The following NAALADL2 variants were observed in gnomAD, a reference collection of about 807,000 sequenced individuals.
NAALADL2 encodes the protein inactive N-acetylated-alpha-linked acidic dipeptidase-like protein 2.
NAALADL2 carries 76 observed loss-of-function variants against 87.2 expected under a neutral mutation model. That is an observed-to-expected ratio of 0.87 (90% CI 0.72 to 1.05). NAALADL2 has a LOEUF of 1.05. Ranked by LOEUF, NAALADL2 falls within the 50% of genes least tolerant of loss-of-function variation. The pLI is 0.00. For missense variants in NAALADL2, 1,089 were observed against 945.8 expected (o/e 1.15, Z -1.99); for synonymous variants, 354 against 331.0 (o/e 1.07, Z -0.75).
chr3:174,568,718 T>C (rs866107857), intron 2 of NAALADL2, among the ~76,000 whole-genome samples: 1 of 151,804 alleles, frequency 6.6e-6, no homozygotes, highest in Non-Finnish European at 1.5e-5. Context: ...TAAGTCCATA[T>C]GGGGAGGAAC....
intron 9 of NAALADL2, among the ~76,000 whole-genome samples, chr3:175,557,115 T>G (rs776210542): frequency 6.6e-6 from 1 of 152,244 alleles, no homozygotes; most frequent in Non-Finnish European, 1.5e-5. Context: ...GAGCAAAGAC[T>G]GACCTTCGAT....
At chr3:175,243,797 A>G (rs1015437809) in intron 3 of NAALADL2, among the ~76,000 whole-genome samples, 7 of 152,082 alleles carry the variant, frequency 4.6e-5, no homozygotes, top group Non-Finnish European at 8.8e-5. Context: ...GGGGCAGGGA[A>G]TTTCCTTCAG....
At chr3:175,450,656 A>G (rs1560572083) in intron 6 of NAALADL2, among the ~76,000 whole-genome samples, 1 of 151,850 alleles carries the variant, frequency 6.6e-6, no homozygotes, top group Admixed American at 6.6e-5. Context: ...TGAACCAATC[A>G]TCATAATATA....
At chr3:175,191,512 C>A (rs1177725377) in intron 2 of NAALADL2, among the ~76,000 whole-genome samples, 3 of 152,058 alleles carry the variant, frequency 2.0e-5, no homozygotes, top group African/African-American at 7.2e-5. Flanking sequence ...AAAATGATGT[C>A]AGGGATTTGT....
chr3:175,700,041 T>C (rs1738764293), intron 11 of NAALADL2, among the ~76,000 whole-genome samples: 2 of 152,132 alleles, frequency 1.3e-5, no homozygotes, highest in African/African-American at 4.8e-5. Context: ...GTCATATTAA[T>C]TTTCTGCATC....
In NAALADL2 at chr3:174,735,008, A is replaced by G. The variant is rs1367542698; in HGVS notation, c.-114-2633A>G. On this transcript the variant is annotated intron_variant, in intron 2 of 3. Coordinates refer to the NAALADL2 transcript ENST00000434257. ...TGTACAATACTACAAGTTAATCTCGATAGAAGGAAATAATAGCTTATTTTG... is the reference window on the plus strand; with the variant it reads ...TGTACAATACTACAAGTTAATCTCGGTAGAAGGAAATAATAGCTTATTTTG... Among the ~76,000 whole-genome samples the G allele has an allele frequency of 2.0e-5, 3 of 152,166 alleles. 1 individual carries two copies. Among genetic ancestry groups the G allele is most frequent in the African/African-American group, 7.2e-5 (3 of 41,432 alleles).
intron 1 of NAALADL2, among the ~76,000 whole-genome samples, chr3:174,478,235 G>A (rs534578775): frequency 6.6e-6 from 1 of 152,132 alleles, no homozygotes; most frequent in African/African-American, 2.4e-5. Context: ...CTATGTTTTT[G>A]TTTATAGGAA....
intron 2 of NAALADL2, among the ~76,000 whole-genome samples, chr3:175,121,424 A>T (rs1288455926): frequency 1.3e-5 from 2 of 151,854 alleles, no homozygotes; most frequent in Non-Finnish European, 2.9e-5. Flanking sequence ...ACTAATGGAT[A>T]GGGTGAAGAG....
intron 6 of NAALADL2, among the ~76,000 whole-genome samples, chr3:175,455,959 A>G (rs1025420645): frequency 9.2e-5 from 14 of 152,046 alleles, no homozygotes; most frequent in African/African-American, 3.4e-4. Flanking sequence ...TTAAACTTAG[A>G]GACTCTAGAA....
At chr3:174,830,488 C>A (rs1722549374) in intron 3 of NAALADL2, among the ~76,000 whole-genome samples, 1 of 151,804 alleles carries the variant, frequency 6.6e-6, no homozygotes, top group African/African-American at 2.4e-5. Flanking sequence ...GTTTTGGTAC[C>A]AGTACCATGC....
rs1013379133 is a variant in NAALADL2 at position 175,800,139 on chromosome 3, A to G, written c.2190-2866A>G. On this transcript the variant is annotated intron_variant, in intron 13 of 13. Coordinates refer to ENST00000454872, the MANE Select transcript of NAALADL2 (RefSeq NM_207015.3). ...TGCATTTCCCAGGCCAGGTGACCAC[A>G]ATGTGGATCAAGCCAGCAGTGTTGG... is the stretch of plus-strand genomic sequence containing the variant. Among the ~76,000 whole-genome samples the G allele has an allele frequency of 3.9e-5, 6 of 152,126 alleles. 1 individual carries two copies. The highest frequency in any genetic ancestry group is 1.5e-5 in the Non-Finnish European group (1 of 68,020).
intron 5 of NAALADL2, among the ~76,000 whole-genome samples, chr3:175,382,105 T>C (rs1056242407): frequency 9.2e-5 from 14 of 152,138 alleles, no homozygotes; most frequent in African/African-American, 3.1e-4. Context: ...CCTTAGAGAA[T>C]TGAAGTACTC....
chr3:174,825,815 C>G (rs979266794), intron 3 of NAALADL2, among the ~76,000 whole-genome samples: 4 of 152,230 alleles, frequency 2.6e-5, no homozygotes, highest in African/African-American at 9.6e-5. Context: ...ATAACGAGGT[C>G]AGGAGATTGA....
intron 1 of NAALADL2, among the ~76,000 whole-genome samples, chr3:174,946,109 T>C (rs1259098424): frequency 6.6e-6 from 1 of 151,462 alleles, no homozygotes; most frequent in African/African-American, 2.4e-5. Context: ...GACCTAATTC[T>C]GTGACTATTC....
chr3:175,594,612 A>T (rs1427145259), intron 10 of NAALADL2, among the ~76,000 whole-genome samples: 2 of 152,136 alleles, frequency 1.3e-5, no homozygotes, highest in Non-Finnish European at 2.9e-5. Flanking sequence ...ACTAATTTAC[A>T]TTCCCATCAA....
chr3:174,777,609 T>C (rs1003701338), intron 3 of NAALADL2, among the ~76,000 whole-genome samples: 4 of 152,152 alleles, frequency 2.6e-5, no homozygotes, highest in Non-Finnish European at 5.9e-5. Context: ...AATGTAGACA[T>C]GAATAATGCT....
chr3:175,541,899 T>C (rs1180824269), intron 9 of NAALADL2, among the ~76,000 whole-genome samples: 1 of 152,166 alleles, frequency 6.6e-6, no homozygotes, highest in Non-Finnish European at 1.5e-5. Flanking sequence ...TTTTGTACTT[T>C]TAGAAGAGAT....
intron 5 of NAALADL2, among the ~76,000 whole-genome samples, chr3:175,442,947 C>A (rs763097865): frequency 5.9e-5 from 9 of 152,110 alleles, no homozygotes; most frequent in Non-Finnish European, 1.2e-4. Flanking sequence ...CTAATGGATT[C>A]TTATAGTTCA....
chr3:175,607,406 G>T (rs1246191422), intron 10 of NAALADL2, among the ~76,000 whole-genome samples: 2 of 151,850 alleles, frequency 1.3e-5, no homozygotes, highest in Non-Finnish European at 2.9e-5. Context: ...TACATATTTT[G>T]TCATATCAAA....
Sources: gnomAD v4.1 joint callset for allele counts (sites outside exome capture counted in the v4.1 genomes callset) on GRCh38, gnomAD v4.1.1 for gene constraint, MANE v1.5 for transcripts, NCBI Gene and HGNC (gene_info 2026-07-23, HGNC 2026-07-21) for gene names.